The following LAPTM4B variants were observed in gnomAD, a reference collection of about 807,000 sequenced individuals.
LAPTM4B encodes the protein lysosomal protein transmembrane 4 beta.
A neutral mutation model predicts 28.5 loss-of-function variants in LAPTM4B; 26 were observed. The ratio of observed to expected loss-of-function variants is 0.91; its 90% CI spans 0.67 to 1.27. The LOEUF is 1.27. Among genes scored for constraint, LAPTM4B ranks in the 50% most tolerant of loss-of-function variants. LAPTM4B has a pLI of 0.00. For missense variants in LAPTM4B, 288 were observed against 285.8 expected, an observed-to-expected ratio of 1.01 and a Z score of -0.06; for synonymous variants, 109 against 106.4, an observed-to-expected ratio of 1.02 and a Z score of -0.15.
At chr8:97,780,865 A>T (rs1816296970) in intron 1 of LAPTM4B, among the ~76,000 whole-genome samples, 1 of 151,948 alleles carries the variant, frequency 6.6e-6, no homozygotes, top group South Asian at 2.1e-4. Context: ...TCAGGTATTT[A>T]TTATTATTAT....
chr8:97,799,626 C>T (rs1297680196), intron 1 of LAPTM4B, among the ~76,000 whole-genome samples: 9 of 152,244 alleles, frequency 5.9e-5, no homozygotes, highest in Non-Finnish European at 1.3e-4. Context: ...TATTTGACAC[C>T]AGATTGGATT....
intron 6 of LAPTM4B, among the ~76,000 whole-genome samples, chr8:97,835,159 A>G (rs1425645631): frequency 6.6e-6 from 1 of 152,214 alleles, no homozygotes; most frequent in Non-Finnish European, 1.5e-5. Flanking sequence ...TTTACATAAT[A>G]ACATGTCATG....
In LAPTM4B at chr8:97,852,994, T is replaced by C; in HGVS notation, c.*1520T>C. ...AGGTGTAGCCGGCATACAAATGTTA[T>C]CTACAGTGTATTTTTAGATTTTTTA... On this transcript the variant is annotated 3_prime_UTR_variant, in exon 7 of 7. Transcript: ENST00000521545. The C allele has an allele frequency of 4.0e-6, 3 of 757,486 alleles. No individual in the cohort carries two copies. The highest frequency in any genetic ancestry group is 4.1e-6 in the Non-Finnish European group (2 of 483,174). The allele number at this position is 757,486 out of a possible 1,614,324, so 46.9% of individuals were successfully genotyped here.
rs1443687002 is a variant in LAPTM4B, at chr8:97,835,714, GC to G, written c.603+10566del. ...GCGGGCCTGCTGGTGGTGCCTTGGA[GC>G]CCCCTTTCTTTTAGGGCAGTGTTAT... is the stretch of plus-strand genomic sequence containing the variant. On this transcript the variant is annotated intron_variant, in intron 6 of 6. Coordinates refer to ENST00000521545, the MANE Select transcript of LAPTM4B (RefSeq NM_018407.6). Among the ~76,000 whole-genome samples the G allele has an allele frequency of 2.0e-5, 3 of 152,184 alleles. No homozygotes were observed. The East Asian group carries it at 5.8e-4, about 29-fold the overall frequency.
At chr8:97,776,698 C>CG (rs947026439) in intron 1 of LAPTM4B, among the ~76,000 whole-genome samples, 1 of 151,950 alleles carries the variant, frequency 6.6e-6, no homozygotes, top group Non-Finnish European at 1.5e-5. Flanking sequence ...GGTCCCCCCC[C>CG]CGATGTTTTA....
At chr8:97,830,048 G>A (rs922049277) in intron 6 of LAPTM4B, among the ~76,000 whole-genome samples, 2 of 152,184 alleles carry the variant, frequency 1.3e-5, no homozygotes, top group Non-Finnish European at 2.9e-5. Flanking sequence ...AAAGGTGTGG[G>A]GGTCACTGAA....
In LAPTM4B at chr8:97,815,346, C is replaced by G. The variant is rs777507821; in HGVS notation, c.230C>G (p.Ala77Gly). The change falls in exon 3 of 7, where the codon GCG becomes GGG. Residue 77 changes from alanine (A) to glycine (G), a missense_variant. Physicochemically the swap from Ala to Gly is moderately conservative, Grantham distance 60. Transcript: ENST00000521545. Reference sequence around the variant, plus strand: ...TCGGCAGACATGTGCATTGCCATTGCGATTTCTCTTCTCATGATCCTGATA... The same window carrying G: ...TCGGCAGACATGTGCATTGCCATTGGGATTTCTCTTCTCATGATCCTGATA... ...MDDANMCIAIAISLLMILICA... is the reference protein window; with the variant it reads ...MDDANMCIAIGISLLMILICA... 2.5e-6 allele frequency: 4 copies of G among 1,613,902 alleles called. No individual in the cohort carries two copies. Among genetic ancestry groups the G allele is most frequent in the Non-Finnish European group, 1.7e-6 (2 of 1,179,880 alleles).
In LAPTM4B at chr8:97,775,805, G is replaced by C. The variant is rs2449509; in HGVS notation, c.-205G>C. On this transcript the variant is annotated 5_prime_UTR_variant, in exon 1 of 7. Transcript: ENST00000521545. ...CCCTCCCCGTCCCCGCCGCTGCAGC[G>C]GTCGCCTTCGGAGCGAAGGGTACCG... 0.64 allele frequency: 992,108 copies of C among 1,560,430 alleles called. 316,414 individuals are homozygous for C. The highest frequency in any genetic ancestry group is 0.81 in the African/African-American group (60,240 of 74,214).
At position 97,778,878 on chromosome 8, in the gene LAPTM4B, A is replaced by G. The variant is rs114364859; in HGVS notation, c.99+2770A>G. ...ATTCGTCTCAGAGTGTGGTTTCTCT[A>G]TAAGTTGCTCGGTTACAACAATTTG... On this transcript the variant is annotated intron_variant, in intron 1 of 6. Transcript: ENST00000521545. 1.2e-3 allele frequency among the ~76,000 whole-genome samples: 182 copies of G among 152,252 alleles called. 2 individuals are homozygous for G. The highest frequency in any genetic ancestry group is 4.1e-3 in the African/African-American group (172 of 41,548).
At chr8:97,825,013 T>G in intron 5 of LAPTM4B, 45 bp from the exon 6 acceptor site, 1 of 1,055,846 alleles carries the variant, frequency 9.5e-7, no homozygotes, top group Non-Finnish European at 1.5e-6. Context: ...CTAAATTACC[T>G]GCAGTTTGAA....
At chr8:97,796,507 AG>A (rs1816586519) in intron 1 of LAPTM4B, among the ~76,000 whole-genome samples, 1 of 152,188 alleles carries the variant, frequency 6.6e-6, no homozygotes, top group Non-Finnish European at 1.5e-5. Flanking sequence ...TCATTGTCTT[AG>A]CATGTTAGTT....
At chr8:97,795,834 C>CT (rs1175657042) in intron 1 of LAPTM4B, among the ~76,000 whole-genome samples, 2 of 90,162 alleles carry the variant, frequency 2.2e-5, no homozygotes, top group African/African-American at 4.1e-5. Context: ...GAGACTCTGT[C>CT]TTTAAAAAAA....
chr8:97,775,893 G>A lies in LAPTM4B; in HGVS notation c.-117G>A. ...GGCAGGCCCGCGGGCGCACGGGCGA[G>A]CGGGCCGGGAGCCGGAGCGGCGGAG... On this transcript the variant is annotated 5_prime_UTR_variant, in exon 1 of 7. Coordinates refer to ENST00000521545, the MANE Select transcript of LAPTM4B (RefSeq NM_018407.6). The A allele has an allele frequency of 6.8e-7, 1 of 1,468,880 alleles. No homozygotes were observed. The allele number at this position is 1,468,880 out of a possible 1,614,324, so 91.0% of individuals were successfully genotyped here. A position where few individuals can be genotyped will look rare whatever the true frequency, so the allele number is the denominator to read the frequency against.
At chr8:97,794,167 A>G (rs553246362) in intron 1 of LAPTM4B, among the ~76,000 whole-genome samples, 5 of 152,212 alleles carry the variant, frequency 3.3e-5, no homozygotes, top group Admixed American at 3.3e-4. Flanking sequence ...TTTAGTAGAG[A>G]TGAGGTTTCA....
intron 1 of LAPTM4B, among the ~76,000 whole-genome samples, chr8:97,780,987 G>A: frequency 6.6e-6 from 1 of 150,560 alleles, no homozygotes; most frequent in Non-Finnish European, 1.5e-5. Flanking sequence ...TGTGATTTAT[G>A]TACTACAATT....
chr8:97,801,897 G>GT, intron 1 of LAPTM4B, among the ~76,000 whole-genome samples: 1 of 151,346 alleles, frequency 6.6e-6, no homozygotes, highest in Admixed American at 6.6e-5. Context: ...AAACTTGACA[G>GT]TTTATCAAAT....
intron 6 of LAPTM4B, among the ~76,000 whole-genome samples, chr8:97,831,485 G>C (rs1817181988): frequency 6.6e-6 from 1 of 152,170 alleles, no homozygotes; most frequent in Non-Finnish European, 1.5e-5. Context: ...GTGGCAGATA[G>C]AACAGTGAGA....
intron 5 of LAPTM4B, among the ~76,000 whole-genome samples, chr8:97,820,556 A>G (rs183643445): frequency 5.3e-4 from 80 of 152,298 alleles, no homozygotes; most frequent in Middle Eastern, 3.4e-3. Flanking sequence ...GAAAAGGAGT[A>G]GAAAGAAAGT....
At chr8:97,826,176 G>A (rs1421187709) in intron 6 of LAPTM4B, among the ~76,000 whole-genome samples, 2 of 152,132 alleles carry the variant, frequency 1.3e-5, no homozygotes, top group Admixed American at 1.3e-4. Context: ...TGAGAACTCT[G>A]TGTGATAGCT....
Sources: gnomAD v4.1 joint callset for allele counts (sites outside exome capture counted in the v4.1 genomes callset) on GRCh38, gnomAD v4.1.1 for gene constraint, MANE v1.5 for transcripts, NCBI Gene and HGNC (gene_info 2026-07-23, HGNC 2026-07-21) for gene names.